Variants in DGKB observed in about 807,000 individuals in gnomAD.
The protein encoded by DGKB is diacylglycerol kinase beta, also known as 90 kDa diacylglycerol kinase.
A neutral mutation model predicts 114.3 loss-of-function variants in DGKB; 67 were observed. The ratio of observed to expected loss-of-function variants is 0.59; its 90% CI spans 0.48 to 0.72. DGKB has a LOEUF of 0.72. Among genes scored for constraint, DGKB ranks in the 30% least tolerant of loss-of-function variants. The probability of loss-of-function intolerance (pLI) is 0.00; values close to 1 mark genes in which losing one functional copy is unlikely to be tolerated. For synonymous variants in DGKB, 398 were observed against 323.1 expected, an observed-to-expected ratio of 1.23 and a Z score of -2.49; for missense variants, 907 against 975.2, an observed-to-expected ratio of 0.93 and a Z score of 0.93.
intron 2 of DGKB, among the ~76,000 whole-genome samples, chr7:14,838,004 A>G (rs555093695): frequency 6.6e-6 from 1 of 152,276 alleles, no homozygotes; most frequent in East Asian, 1.9e-4. Context: ...CATAGAATCC[A>G]TTTTAATAAT....
intron 21 of DGKB, among the ~76,000 whole-genome samples, chr7:14,474,561 T>A (rs10242478): frequency 0.022 from 3,359 of 152,244 alleles, 135 homozygotes; most frequent in Admixed American, 0.092. Context: ...CTGCTTTGCA[T>A]GTTTTTCTAA....
rs913694871 is a variant in DGKB at position 14,362,013 on chromosome 7, A to G, written c.1836-16622T>C. 1.3e-5 allele frequency among the ~76,000 whole-genome samples: 2 copies of G among 152,152 alleles called. 1 individual carries two copies. The highest frequency in any genetic ancestry group is 4.1e-4 in the South Asian group (2 of 4,830). ...AATCTAGATACAGTATTGAAATCAAATTCTGAATATTATTGGATATTTACG... is the reference window on the plus strand; with the variant it reads ...AATCTAGATACAGTATTGAAATCAAGTTCTGAATATTATTGGATATTTACG... On this transcript the variant is annotated intron_variant, in intron 21 of 25. Transcript: ENST00000402815.
At chr7:14,793,593 A>G (rs1460593802) in intron 2 of DGKB, among the ~76,000 whole-genome samples, 1 of 152,180 alleles carries the variant, frequency 6.6e-6, no homozygotes, top group Non-Finnish European at 1.5e-5. Flanking sequence ...TTTTATGATG[A>G]TAATCAATAA....
rs185082708 is a variant in DGKB, at chr7:14,744,054, C to T, written c.169-7860G>A. 1.4e-3 allele frequency among the ~76,000 whole-genome samples: 213 copies of T among 152,120 alleles called. 1 individual carries two copies. The highest frequency in any genetic ancestry group is 5.8e-4 in the East Asian group (3 of 5,168). On this transcript the variant is annotated intron_variant, in intron 4 of 25. Transcript: ENST00000402815. ...AAACTGAAGTAATCTTTTTTTAAAA[C>T]CTTTTGCTTGAAACATTGCTGGTCC...
chr7:14,574,448 C>A, intron 19 of DGKB, 76 bp from the exon 20 acceptor site: 1 of 1,199,420 alleles, frequency 8.3e-7, no homozygotes, highest in Non-Finnish European at 1.2e-6. Context: ...TTTCAGTGTG[C>A]TTATGCATAT....
At chr7:14,857,765 A>G (rs1850399658) in intron 1 of DGKB, among the ~76,000 whole-genome samples, 1 of 151,888 alleles carries the variant, frequency 6.6e-6, no homozygotes, top group Admixed American at 6.6e-5. Context: ...CTTTGTTTAA[A>G]GCATTTTTCA....
At chr7:14,859,538 G>T (rs185634746) in intron 1 of DGKB, among the ~76,000 whole-genome samples, 176 of 152,146 alleles carry the variant, frequency 1.2e-3, no homozygotes, top group African/African-American at 4.2e-3. Flanking sequence ...GTAACTAGTG[G>T]GTTACAATAG....
chr7:14,529,424 C>A (rs186669844), intron 20 of DGKB, among the ~76,000 whole-genome samples: 1 of 151,670 alleles, frequency 6.6e-6, no homozygotes, highest in Non-Finnish European at 1.5e-5. Flanking sequence ...CTACTTTTTT[C>A]TTGGTAATAT....
chr7:14,394,693 A>G (rs1205470703), intron 21 of DGKB, among the ~76,000 whole-genome samples: 2 of 151,700 alleles, frequency 1.3e-5, no homozygotes, highest in African/African-American at 4.8e-5. Context: ...TGAAACTTCA[A>G]TCACATTAAG....
At chr7:14,622,618 C>G (rs940726620) in intron 14 of DGKB, among the ~76,000 whole-genome samples, 1 of 152,098 alleles carries the variant, frequency 6.6e-6, no homozygotes, top group African/African-American at 2.4e-5. Flanking sequence ...GACAACTCAC[C>G]ACCTGCCTCA....
intron 23 of DGKB, among the ~76,000 whole-genome samples, chr7:14,333,302 A>G (rs1562954786): frequency 6.6e-6 from 1 of 151,858 alleles, no homozygotes; most frequent in South Asian, 2.1e-4. Context: ...CTAAAAATAC[A>G]AAAACAAAAT....
chr7:14,392,995 G>GTTTTTGTTTTTGTTTTTTGTTT, intron 21 of DGKB, among the ~76,000 whole-genome samples: 1 of 60,546 alleles, frequency 1.7e-5, no homozygotes, highest in Non-Finnish European at 3.4e-5. Flanking sequence ...TTTTGTTTTT[G>GTTTTTGTTTTTGTTTTTTGTTT]TTTTTTTTTT....
chr7:14,911,527 GC>G (rs1437757420), intron 1 of DGKB, among the ~76,000 whole-genome samples: 1 of 152,070 alleles, frequency 6.6e-6, no homozygotes, highest in Admixed American at 6.6e-5. Context: ...AATGTCTGGT[GC>G]TTTGTCACTG....
At chr7:14,834,749 TG>T (rs1357267080) in intron 2 of DGKB, among the ~76,000 whole-genome samples, 1 of 152,196 alleles carries the variant, frequency 6.6e-6, no homozygotes, top group Non-Finnish European at 1.5e-5. Context: ...TGGCTCACTT[TG>T]ACCAACATTC....
At chr7:14,853,966 C>T (rs941145302) in intron 1 of DGKB, among the ~76,000 whole-genome samples, 4 of 151,842 alleles carry the variant, frequency 2.6e-5, no homozygotes, top group African/African-American at 9.7e-5. Context: ...GCTTTTATCC[C>T]TCTGGTCATT....
chr7:14,900,070 T>C (rs1453584485), intron 1 of DGKB, among the ~76,000 whole-genome samples: 4 of 152,176 alleles, frequency 2.6e-5, no homozygotes, highest in Non-Finnish European at 4.4e-5. Context: ...TGACACAGTA[T>C]GTGCAACTGC....
chr7:14,429,927 C>CT (rs1828189145), intron 21 of DGKB, among the ~76,000 whole-genome samples: 1 of 148,158 alleles, frequency 6.7e-6, no homozygotes, highest in African/African-American at 2.5e-5. Flanking sequence ...ACTCTGTCCC[C>CT]CCCCCCAAAA....
intron 2 of DGKB, among the ~76,000 whole-genome samples, chr7:14,825,342 A>T (rs1026835929): frequency 2.0e-5 from 3 of 152,070 alleles, no homozygotes; most frequent in Admixed American, 2.0e-4. Flanking sequence ...TTATTATTTC[A>T]TTGTAATATG....
intron 13 of DGKB, among the ~76,000 whole-genome samples, chr7:14,659,996 G>A (rs996950871): frequency 6.6e-6 from 1 of 151,110 alleles, no homozygotes; most frequent in African/African-American, 2.4e-5. Flanking sequence ...ATAATCATGT[G>A]GTTTTTGTCT....
Sources: allele counts gnomAD v4.1 joint callset (sites outside exome capture counted in the v4.1 genomes callset), GRCh38; gene constraint gnomAD v4.1.1; transcripts MANE v1.5; gene names NCBI Gene and HGNC (gene_info 2026-07-23, HGNC 2026-07-21).